The following NDC1 variants were observed in gnomAD, a reference collection of about 807,000 sequenced individuals.
NDC1 encodes nucleoporin NDC1.
In NDC1, 24 loss-of-function variants were observed where a neutral mutation model predicts 89.8. The observed-to-expected ratio is 0.27, with a 90% confidence interval of 0.19 to 0.38. The LOEUF (loss-of-function observed/expected upper bound fraction) is 0.38, where lower values mean the gene tolerates loss of function less well. Ranked by LOEUF, NDC1 falls within the 10% of genes least tolerant of loss-of-function variation. The pLI is 1.00. For synonymous variants in NDC1, 296 were observed against 284.8 expected (o/e 1.04, Z -0.39); for missense variants, 728 against 797.6 (o/e 0.91, Z 1.05).
In NDC1 at chr1:53,778,844, A is replaced by G. The variant is rs536380033; in HGVS notation, c.1801-6355T>C. Among the ~76,000 whole-genome samples, 3 of 151,894 alleles carry G rather than the reference A, an allele frequency of 2.0e-5. No individual in the cohort carries two copies. In the East Asian group the frequency reaches 5.8e-4, roughly 30 times the overall value. The stretch of plus-strand genomic sequence containing the variant: ...TAATCTGAAAGATCTTTTCTCCTGT[A>G]TAAGAATTATCATGTGGCTGGATGC... On this transcript the variant is annotated intron_variant, in intron 16 of 17. Transcript: ENST00000371429.
intron 10 of NDC1, among the ~76,000 whole-genome samples, chr1:53,802,041 A>C (rs553392471): frequency 1.3e-5 from 2 of 152,134 alleles, no homozygotes; most frequent in Non-Finnish European, 1.5e-5. Flanking sequence ...CGTCCATCCA[A>C]TTAAATTTTT....
intron 17 of NDC1, among the ~76,000 whole-genome samples, chr1:53,770,216 A>T (rs1057475225): frequency 9.2e-5 from 14 of 151,872 alleles, no homozygotes; most frequent in Non-Finnish European, 1.9e-4. Flanking sequence ...TTTTTGAGGC[A>T]GGGTCTCGCT....
rs1336438841 is a variant in NDC1, at chr1:53,825,720, T to C, written c.594+78A>G. The C allele has an allele frequency of 8.6e-6, 10 of 1,160,368 alleles. No individual in the cohort carries two copies. In the African/African-American group the frequency reaches 1.6e-4, roughly 19 times the overall value. The allele number at this position is 1,160,368 out of a possible 1,614,324, so 71.9% of individuals were successfully genotyped here. A position where few individuals can be genotyped will look rare whatever the true frequency, so the allele number is the denominator to read the frequency against. ...TCAAATCTTGAATGAATCAGATAAATCCAGTTATATACATATGCACCAAGG... is the reference window on the plus strand; with the variant it reads ...TCAAATCTTGAATGAATCAGATAAACCCAGTTATATACATATGCACCAAGG... On this transcript the variant is annotated intron_variant, in intron 5 of 17. Coordinates refer to ENST00000371429, the MANE Select transcript of NDC1 (RefSeq NM_018087.5).
At chr1:53,801,856 A>G (rs1222252390) in intron 10 of NDC1, among the ~76,000 whole-genome samples, 1 of 152,180 alleles carries the variant, frequency 6.6e-6, no homozygotes, top group Non-Finnish European at 1.5e-5. Flanking sequence ...TCTGGGGTTC[A>G]AGCAATTCTC....
chr1:53,835,548 T>C lies in NDC1; in HGVS notation c.130A>G (p.Ile44Val), dbSNP rs776056249. ...LFLPICTTVF[I>V]IFSRIDLFHP... ...AACAAATCAATCCTGCTGAAAATTA[T>C]AAATACTGTGGTGCAGATGGGTAGA... Residue 44 changes from isoleucine to valine, a missense_variant, in exon 2 of 18, where the codon ATA becomes GTA. Transcript: ENST00000371429. 4.3e-6 allele frequency: 7 copies of C among 1,613,496 alleles called. No individual in the cohort carries two copies. The highest frequency in any genetic ancestry group is 1.7e-5 in the Admixed American group (1 of 59,982).
At position 53,803,949 on chromosome 1, in the gene NDC1, CT is replaced by C; in HGVS notation, c.1044del (p.Val349PhefsTer22). The C allele has an allele frequency of 1.2e-6, 2 of 1,613,892 alleles. No individual in the cohort carries two copies. The highest frequency in any genetic ancestry group is 1.7e-6 in the Non-Finnish European group (2 of 1,179,772). ...ATACCTGGTTGGCTGAGGCTGAAAA[CT>C]TCTTGTCTTCGTGAAGGAGAATATT... ...LSQYSPSRRQ[E>X]VFSLSQPGGH... On this transcript the variant is annotated frameshift_variant, in exon 10 of 18. Transcript: ENST00000371429. LOFTEE classifies it high-confidence loss of function.
rs549301774 is a variant in NDC1 at position 53,816,229 on chromosome 1, C to T, written c.703+2742G>A. 7.2e-5 allele frequency among the ~76,000 whole-genome samples: 11 copies of T among 152,168 alleles called. No individual in the cohort carries two copies. The South Asian group carries it at 1.5e-3, about 20-fold the overall frequency. On this transcript the variant is annotated intron_variant, in intron 6 of 17. Transcript: ENST00000371429. The stretch of plus-strand genomic sequence containing the variant: ...TAAAGCCATAGTCACCAAAACAGAG[C>T]GGTACTGGTGTGAAAATACGCACAT...
chr1:53,812,212 C>CA (rs1044881112), intron 6 of NDC1, among the ~76,000 whole-genome samples: 99 of 151,984 alleles, frequency 6.5e-4, no homozygotes, highest in African/African-American at 2.0e-3. Context: ...TCAACACCCC[C>CA]AAAAAAAATC....
intron 15 of NDC1, among the ~76,000 whole-genome samples, chr1:53,787,849 A>C (rs1216056436): frequency 2.3e-5 from 3 of 129,666 alleles, no homozygotes; most frequent in African/African-American, 9.2e-5. Context: ...GTTGCGTAAT[A>C]ATATGTGCCA....
intron 14 of NDC1, among the ~76,000 whole-genome samples, chr1:53,791,611 T>C (rs772276315): frequency 2.0e-4 from 31 of 152,150 alleles, no homozygotes; most frequent in Non-Finnish European, 4.6e-4. Context: ...CTAAGTACCA[T>C]ACAACAAGTC....
At chr1:53,787,112 G>A in intron 16 of NDC1, 46 bp downstream of exon 16, 1 of 933,114 alleles carries the variant, frequency 1.1e-6, no homozygotes, top group Non-Finnish European at 1.7e-6. Flanking sequence ...CACTGGGTGG[G>A]AGGGGAAGAT....
intron 17 of NDC1, among the ~76,000 whole-genome samples, chr1:53,770,159 G>C (rs1647099765): frequency 6.6e-6 from 1 of 151,904 alleles, no homozygotes; most frequent in Non-Finnish European, 1.5e-5. Context: ...AGAAACTAAG[G>C]TGGAATTTCA....
At chr1:53,775,447 T>C (rs1245168900) in intron 16 of NDC1, among the ~76,000 whole-genome samples, 2 of 151,936 alleles carry the variant, frequency 1.3e-5, no homozygotes, top group East Asian at 1.9e-4. Flanking sequence ...TTAGTAGAGA[T>C]AGGGTTTCAC....
At position 53,766,031 on chromosome 1, in the gene NDC1, G is replaced by C. The variant is rs1570143267; in HGVS notation, c.*1939C>G. ...TACAGATCTGGGGAGGCAGTTTCCA[G>C]ATCTTCAACAGGCAGACACTATGTG... On this transcript the variant is annotated 3_prime_UTR_variant, in exon 18 of 18. Transcript: ENST00000371429. 6.6e-6 allele frequency: 1 copy of C among 152,132 alleles called. No homozygotes were observed. Among genetic ancestry groups the C allele is most frequent in the Non-Finnish European group, 1.5e-5 (1 of 68,024 alleles). The allele number at this position is 152,132 out of a possible 1,614,324, so 9.4% of individuals were successfully genotyped here.
intron 11 of NDC1, 118 bp from the exon 12 acceptor site, chr1:53,797,262 A>G (rs1647747068): frequency 1.1e-6 from 1 of 922,674 alleles, no homozygotes; most frequent in Non-Finnish European, 1.6e-6. Context: ...AAAGCTCAGT[A>G]GATTGTTTCC....
At chr1:53,834,681 G>GT (rs1228157690) in intron 2 of NDC1, among the ~76,000 whole-genome samples, 1 of 152,258 alleles carries the variant, frequency 6.6e-6, no homozygotes, top group Non-Finnish European at 1.5e-5. Flanking sequence ...ACTACACAGA[G>GT]TTACAGGAAG....
At chr1:53,784,355 A>T (rs1647255029) in intron 16 of NDC1, among the ~76,000 whole-genome samples, 1 of 152,216 alleles carries the variant, frequency 6.6e-6, no homozygotes, top group African/African-American at 2.4e-5. Context: ...TGAAGAAAGA[A>T]TAAGGGATGT....
At chr1:53,797,430 T>C (rs909432885) in intron 11 of NDC1, among the ~76,000 whole-genome samples, 3 of 152,210 alleles carry the variant, frequency 2.0e-5, no homozygotes, top group African/African-American at 7.2e-5. Context: ...CTCTAAGCAA[T>C]TTTGAATGAA....
At chr1:53,788,432 A>T (rs1232827174) in intron 15 of NDC1, among the ~76,000 whole-genome samples, 23 of 148,506 alleles carry the variant, frequency 1.5e-4, no homozygotes, top group East Asian at 2.0e-4. Context: ...CAAAAAAAAA[A>T]TTTTTTTTTT....
Sources: gnomAD v4.1 joint callset for allele counts (sites outside exome capture counted in the v4.1 genomes callset) on GRCh38, gnomAD v4.1.1 for gene constraint, MANE v1.5 for transcripts, NCBI Gene and HGNC (gene_info 2026-07-23, HGNC 2026-07-21) for gene names.